The following CDC40 variants were observed in gnomAD, a reference collection of about 807,000 sequenced individuals.
The protein encoded by CDC40 is cell division cycle 40, also known as pre-mRNA-processing factor 17.
Under a neutral mutation model 80.6 loss-of-function variants are expected in CDC40, and 27 were observed. The observed-to-expected ratio is 0.33, with a 90% CI of 0.25 to 0.46. The LOEUF (loss-of-function observed/expected upper bound fraction) is 0.46. Among genes scored for constraint, CDC40 ranks in the 20% least tolerant of loss-of-function variants. The pLI is 1.00. For missense variants in CDC40, 486 were observed against 694.1 expected, an observed-to-expected ratio of 0.70 and a Z score of 3.37; for synonymous variants, 221 against 232.6, an observed-to-expected ratio of 0.95 and a Z score of 0.45.
chr6:110,192,311 G>T (rs1199401227), intron 1 of CDC40, among the ~76,000 whole-genome samples: 2 of 152,196 alleles, frequency 1.3e-5, no homozygotes, highest in Non-Finnish European at 2.9e-5. Flanking sequence ...GATTTATGTA[G>T]AAGGTAGAAG....
In CDC40 at chr6:110,230,274, T is replaced by A. The variant is rs898825120; in HGVS notation, c.*143T>A. The A allele has an allele frequency of 3.6e-5, 21 of 575,772 alleles. No homozygotes were observed. The African/African-American group carries it at 4.1e-4, about 11-fold the overall frequency. 35.7% of individuals were successfully genotyped at this position (575,772 alleles called of 1,614,324 possible). On this transcript the variant is annotated 3_prime_UTR_variant, in exon 15 of 15. Coordinates refer to ENST00000307731, the MANE Select transcript of CDC40 (RefSeq NM_015891.3). ...TTTGTTTAAAAAAAGAAACTGTAAA[T>A]TTGACATAATTTCATTTGCAACTTC... is the stretch of plus-strand genomic sequence containing the variant.
chr6:110,200,791 T>C (rs1777484719), intron 2 of CDC40, among the ~76,000 whole-genome samples: 1 of 152,172 alleles, frequency 6.6e-6, no homozygotes, highest in Non-Finnish European at 1.5e-5. Flanking sequence ...AGAAGGAGAA[T>C]ACTTGTTTAA....
intron 12 of CDC40, among the ~76,000 whole-genome samples, chr6:110,222,692 C>T (rs1777793789): frequency 6.6e-6 from 1 of 152,226 alleles, no homozygotes; most frequent in African/African-American, 2.4e-5. Flanking sequence ...TGGCTTTCCA[C>T]AGTTTTTAGC....
chr6:110,219,408 G>C lies in CDC40; in HGVS notation c.1135G>C (p.Val379Leu). 1.2e-6 allele frequency: 2 copies of C among 1,608,558 alleles called. No individual in the cohort carries two copies. ...RFTNRKVPYC[V>L]KFNPDEDKQN... ...TACAAACCGAAAAGTACCTTATTGTGTCAAATTCAATCCTGATGAAGATAA... is the reference window on the plus strand; with the variant it reads ...TACAAACCGAAAAGTACCTTATTGTCTCAAATTCAATCCTGATGAAGATAA... The change falls in exon 11 of 15, where the codon GTC (valine) becomes CTC (leucine). Residue 379 changes from valine (V) to leucine (L), a missense_variant. Coordinates refer to ENST00000307731, the MANE Select transcript of CDC40 (RefSeq NM_015891.3).
chr6:110,212,006 G>T, intron 6 of CDC40, 127 bp from the exon 7 acceptor site: 1 of 680,916 alleles, frequency 1.5e-6, no homozygotes, highest in African/African-American at 1.8e-5. Flanking sequence ...TGACATCATT[G>T]GAGTGTTATT....
At chr6:110,225,308 C>T (rs555700865) in intron 12 of CDC40, among the ~76,000 whole-genome samples, 1 of 152,150 alleles carries the variant, frequency 6.6e-6, no homozygotes, top group East Asian at 1.9e-4. Context: ...TCATGAAAAG[C>T]AACAAGACGA....
intron 3 of CDC40, among the ~76,000 whole-genome samples, chr6:110,205,216 C>T (rs1352367791): frequency 6.6e-6 from 1 of 151,756 alleles, no homozygotes; most frequent in Non-Finnish European, 1.5e-5. Context: ...AATATTATGG[C>T]CATTTCAAAT....
intron 12 of CDC40, among the ~76,000 whole-genome samples, chr6:110,221,601 A>G (rs1465209137): frequency 1.3e-5 from 2 of 152,214 alleles, no homozygotes; most frequent in Non-Finnish European, 2.9e-5. Flanking sequence ...GAGCCACCTT[A>G]GATCACTTGC....
intron 3 of CDC40, among the ~76,000 whole-genome samples, chr6:110,203,223 T>C (rs1777515515): frequency 6.6e-6 from 1 of 152,118 alleles, no homozygotes; most frequent in Non-Finnish European, 1.5e-5. Context: ...TTTAACACTG[T>C]CTGTTTTTTC....
intron 5 of CDC40, 53 bp from the exon 6 acceptor site, chr6:110,210,654 T>C (rs1777626476): frequency 2.2e-6 from 2 of 905,160 alleles, no homozygotes; most frequent in Admixed American, 6.6e-5. Flanking sequence ...CAACTTTAGG[T>C]ATAATGAGGT....
Position 110,207,573 on chromosome 6 carries a change from A to G in CDC40, c.474A>G (p.Glu158=), listed in dbSNP as rs201446906. 2.5e-6 allele frequency: 4 copies of G among 1,569,952 alleles called. No individual in the cohort carries two copies. Among genetic ancestry groups the G allele is most frequent in the African/African-American group, 1.3e-5 (1 of 74,156 alleles). ...CTAAATATATTGGTTCTGTAGAAGA[A>G]GCTGAAAAAAATCAAGGTAATTTAT... is the stretch of plus-strand genomic sequence containing the variant. ...VSAKYIGSVE[E]AEKNQGLTVF... The change falls in exon 4 of 15, where the codon GAA becomes GAG. Residue 158 remains glutamate (E), a synonymous_variant. Coordinates refer to ENST00000307731, the MANE Select transcript of CDC40 (RefSeq NM_015891.3).
At chr6:110,194,036 T>C (rs1057179591) in intron 2 of CDC40, among the ~76,000 whole-genome samples, 3 of 152,146 alleles carry the variant, frequency 2.0e-5, no homozygotes, top group Non-Finnish European at 4.4e-5. Context: ...TGATGCCTGC[T>C]CTGAATAAAA....
intron 2 of CDC40, among the ~76,000 whole-genome samples, chr6:110,198,314 T>A: frequency 6.6e-6 from 1 of 152,006 alleles, no homozygotes; most frequent in East Asian, 1.9e-4. Context: ...AGTAGGTGTC[T>A]ACAGGCACAC....
chr6:110,231,845 T>C lies in CDC40; in HGVS notation c.*1714T>C, dbSNP rs182425288. 2.9e-3 allele frequency: 428 copies of C among 146,280 alleles called. 5 individuals carry two copies. Among genetic ancestry groups the C allele is most frequent in the African/African-American group, 0.011 (411 of 39,010 alleles). The allele number at this position is 146,280 out of a possible 1,614,324, so 9.1% of individuals were successfully genotyped here. A position where few individuals can be genotyped will look rare whatever the true frequency, so the allele number is the denominator to read the frequency against. On this transcript the variant is annotated 3_prime_UTR_variant, in exon 15 of 15. Transcript: ENST00000307731. ...TATAGCCACATAAATATAAATTTCA[T>C]AGAAAAAGAATAAAAGCGGAGATAT...
rs1584069537 is a variant in CDC40 at position 110,201,542 on chromosome 6, T to C, written c.277-16T>C. ...CTTTCTTATTTTATTTTATTTTTTT[T>C]CTTGTAACATTGCAGTTTGGACCAG... On this transcript the variant is annotated splice_polypyrimidine_tract_variant and intron_variant, in intron 2 of 14. Coordinates refer to ENST00000307731, the MANE Select transcript of CDC40 (RefSeq NM_015891.3). 1 of 1,569,028 alleles carries C rather than the reference T, an allele frequency of 6.4e-7. No homozygotes were observed. Among genetic ancestry groups the C allele is most frequent in the Non-Finnish European group, 8.7e-7 (1 of 1,155,812 alleles).
At chr6:110,209,063 A>ATTTTTTTTT in intron 4 of CDC40, 21 bp from the exon 5 acceptor site, 1 of 1,247,398 alleles carries the variant, frequency 8.0e-7, no homozygotes. Context: ...TTTTTTTTTA[A>ATTTTTTTTT]TTTTTTTTTT....
Position 110,212,119 on chromosome 6 carries a change from C to A in CDC40, c.728-14C>A, listed in dbSNP as rs745361098. On this transcript the variant is annotated splice_polypyrimidine_tract_variant and intron_variant, in intron 6 of 14. Transcript: ENST00000307731. ...TGTATTTGTTTATTGATTTTCTTTG[C>A]CTTTTTGTTTCAGTTAAAGAAATGT... The A allele has an allele frequency of 3.1e-6, 5 of 1,605,168 alleles. 1 individual carries two copies. The South Asian group carries it at 5.6e-5, about 18-fold the overall frequency.
intron 12 of CDC40, among the ~76,000 whole-genome samples, chr6:110,221,853 G>A (rs1444973800): frequency 2.7e-5 from 4 of 147,586 alleles, no homozygotes; most frequent in African/African-American, 1.0e-4. Context: ...AGCAGATAAT[G>A]TTAGTATGTT....
At chr6:110,211,093 C>A (rs1265814621) in intron 6 of CDC40, 1 of 163,018 alleles carries the variant, frequency 6.1e-6, no homozygotes, top group African/African-American at 2.4e-5. Flanking sequence ...ACAATCTATT[C>A]TTTCGTAAGA....
Sources: allele counts gnomAD v4.1 joint callset (sites outside exome capture counted in the v4.1 genomes callset), GRCh38; gene constraint gnomAD v4.1.1; transcripts MANE v1.5; gene names NCBI Gene and HGNC (gene_info 2026-07-23, HGNC 2026-07-21).